The following MCC variants were observed in gnomAD, a reference collection of about 807,000 sequenced individuals.
MCC encodes the protein MCC regulator of Wnt signaling pathway, also known as colorectal mutant cancer protein.
A neutral mutation model predicts 116.2 loss-of-function variants in MCC; 90 were observed. The observed-to-expected ratio is 0.77, with a 90% CI of 0.65 to 0.92. The LOEUF is 0.92. Among genes scored for constraint, MCC ranks in the 40% least tolerant of loss-of-function variants. MCC has a pLI of 0.00. For synonymous variants in MCC, 578 were observed against 510.5 expected (o/e 1.13, Z -1.78); for missense variants, 1,516 against 1,312.2 (o/e 1.16, Z -2.40).
At chr5:113,341,931 A>C (rs1006931849) in intron 2 of MCC, among the ~76,000 whole-genome samples, 5 of 152,060 alleles carry the variant, frequency 3.3e-5, no homozygotes, top group Non-Finnish European at 2.9e-5. Context: ...ACTTTGGTGC[A>C]CCCATCACCC....
rs766072714 is a variant in MCC, at chr5:113,104,321, C to T, written c.1062G>A (p.Arg354=). The part of the protein sequence containing the change: ...NCSDLNSELQ[R]VLTGLENVVC... ...CAACATTCTCCAGCCCTGTCAGCAC[C>T]CTCTGCAGTTCTGAGTTCAGGTCAC... is the stretch of plus-strand genomic sequence containing the variant. The change falls in exon 7 of 19, where the codon AGG becomes AGA. Residue 354 remains arginine (R), a synonymous_variant. Transcript: ENST00000408903. 6.2e-7 allele frequency: 1 copy of T among 1,613,700 alleles called. No homozygotes were observed. Among genetic ancestry groups the T allele is most frequent in the South Asian group, 1.1e-5 (1 of 91,030 alleles).
intron 3 of MCC, among the ~76,000 whole-genome samples, chr5:113,340,254 C>A (rs13153071): frequency 0.54 from 82,500 of 152,038 alleles, 24,174 homozygotes; most frequent in African/African-American, 0.76. Context: ...AGCTGTTGTG[C>A]ATCTTCTAGT....
At chr5:113,445,308 T>A (rs1314252976) in intron 1 of MCC, among the ~76,000 whole-genome samples, 1 of 152,170 alleles carries the variant, frequency 6.6e-6, no homozygotes, top group Non-Finnish European at 1.5e-5. Context: ...AAACTATCTC[T>A]CTTTGCTGAC....
At chr5:113,091,858 A>AT in intron 8 of MCC, among the ~76,000 whole-genome samples, 1 of 151,418 alleles carries the variant, frequency 6.6e-6, no homozygotes, top group Non-Finnish European at 1.5e-5. Flanking sequence ...ACTGGACTCC[A>AT]GCCTGGGTGA....
chr5:113,157,263 C>T (rs747380322), intron 3 of MCC, among the ~76,000 whole-genome samples: 2 of 152,232 alleles, frequency 1.3e-5, no homozygotes, highest in East Asian at 1.9e-4. Flanking sequence ...ACCTTCATCA[C>T]GCCAGGACTC....
intron 1 of MCC, among the ~76,000 whole-genome samples, chr5:113,407,717 T>C (rs1769876767): frequency 6.6e-6 from 1 of 152,174 alleles, no homozygotes; most frequent in African/African-American, 2.4e-5. Flanking sequence ...CCATGGGGGT[T>C]TGCTGCACCT....
chr5:113,437,611 C>G (rs1770900648), intron 1 of MCC, among the ~76,000 whole-genome samples: 1 of 152,140 alleles, frequency 6.6e-6, no homozygotes, highest in African/African-American at 2.4e-5. Flanking sequence ...TACAAAACAC[C>G]TGGAGATGAA....
At chr5:113,417,727 G>C (rs910260322) in intron 1 of MCC, among the ~76,000 whole-genome samples, 3 of 152,128 alleles carry the variant, frequency 2.0e-5, no homozygotes, top group African/African-American at 7.2e-5. Context: ...TCAGGAGTTT[G>C]AGACCAGCCT....
intron 8 of MCC, among the ~76,000 whole-genome samples, chr5:113,100,869 G>A (rs1267000981): frequency 6.6e-6 from 1 of 152,158 alleles, no homozygotes; most frequent in Non-Finnish European, 1.5e-5. Context: ...GACCAAGAAA[G>A]AGAGTCAAGT....
chr5:113,242,099 A>T (rs1764390256), intron 3 of MCC, among the ~76,000 whole-genome samples: 1 of 148,356 alleles, frequency 6.7e-6, no homozygotes, highest in South Asian at 2.1e-4. Flanking sequence ...CTAATCCCAC[A>T]TCATAGGCCA....
intron 17 of MCC, among the ~76,000 whole-genome samples, chr5:113,037,040 T>TA (rs1751375418): frequency 6.6e-6 from 1 of 152,388 alleles, no homozygotes; most frequent in Middle Eastern, 3.4e-3. Flanking sequence ...TCAGCAAGTT[T>TA]AAATAAAACA....
In MCC at chr5:113,026,985, C is replaced by G. The variant is rs1418121509; in HGVS notation, c.*317G>C. 1.7e-5 allele frequency: 5 copies of G among 301,426 alleles called. No homozygotes were observed. The East Asian group carries it at 3.0e-4, about 18-fold the overall frequency. The allele number at this position is 301,426 out of a possible 1,614,324, so 18.7% of individuals were successfully genotyped here. Reference sequence around the variant, plus strand: ...AAATGTCTGGGATCCCACTGATGCACAGCCGCCAGACCAGAAGAGGAGGGG... The same window carrying G: ...AAATGTCTGGGATCCCACTGATGCAGAGCCGCCAGACCAGAAGAGGAGGGG... On this transcript the variant is annotated 3_prime_UTR_variant, in exon 19 of 19. Coordinates refer to ENST00000408903, the MANE Select transcript of MCC (RefSeq NM_001085377.2).
intron 5 of MCC, among the ~76,000 whole-genome samples, chr5:113,140,242 C>T (rs1759098382): frequency 6.6e-6 from 1 of 152,102 alleles, no homozygotes; most frequent in African/African-American, 2.4e-5. Context: ...ATTATATTTG[C>T]CACCTCCTAC....
chr5:113,473,060 A>G (rs1275579634), intron 1 of MCC, among the ~76,000 whole-genome samples: 1 of 152,192 alleles, frequency 6.6e-6, no homozygotes, highest in Non-Finnish European at 1.5e-5. Flanking sequence ...AATTACCATA[A>G]TACAAGTTAG....
At chr5:113,129,817 T>C (rs1485479365) in intron 5 of MCC, among the ~76,000 whole-genome samples, 2 of 152,170 alleles carry the variant, frequency 1.3e-5, no homozygotes, top group South Asian at 4.1e-4. Context: ...ATGGCGATCA[T>C]TAAAAAGGCA....
At chr5:113,451,668 A>T (rs1402274008) in intron 1 of MCC, among the ~76,000 whole-genome samples, 1 of 152,176 alleles carries the variant, frequency 6.6e-6, no homozygotes, top group Admixed American at 6.5e-5. Flanking sequence ...TGGGAGGTGG[A>T]GGTTGCACCT....
chr5:113,310,630 T>C (rs1767114431), intron 3 of MCC, among the ~76,000 whole-genome samples: 1 of 152,248 alleles, frequency 6.6e-6, no homozygotes, highest in African/African-American at 2.4e-5. Flanking sequence ...CTTTTTCATT[T>C]GAAATTATTT....
chr5:113,357,025 G>C (rs945192258), intron 2 of MCC, among the ~76,000 whole-genome samples: 1 of 152,154 alleles, frequency 6.6e-6, no homozygotes, highest in African/African-American at 2.4e-5. Flanking sequence ...TAAGAACTGG[G>C]GTTTTGTAGT....
chr5:113,144,330 C>T (rs1339703006), intron 4 of MCC, among the ~76,000 whole-genome samples: 1 of 152,190 alleles, frequency 6.6e-6, no homozygotes, highest in Non-Finnish European at 1.5e-5. Context: ...ATAAAATACT[C>T]CTCAGTGATG....
Sources: allele counts gnomAD v4.1 joint callset (sites outside exome capture counted in the v4.1 genomes callset), GRCh38; gene constraint gnomAD v4.1.1; transcripts MANE v1.5; gene names NCBI Gene and HGNC (gene_info 2026-07-23, HGNC 2026-07-21).